Variants in PHF14 observed in about 807,000 individuals in gnomAD.
PHF14 encodes PHD finger protein 14.
PHF14 carries 55 observed loss-of-function variants against 117.9 expected under a neutral mutation model. The observed-to-expected ratio is 0.47, with a 90% CI of 0.38 to 0.58. The LOEUF (loss-of-function observed/expected upper bound fraction) is 0.58. PHF14 is among the 20% of genes least tolerant of loss of function. PHF14 has a pLI of 0.00. For missense variants in PHF14, 978 were observed against 1,122.2 expected, an observed-to-expected ratio of 0.87 and a Z score of 1.84; for synonymous variants, 409 against 368.6, an observed-to-expected ratio of 1.11 and a Z score of -1.26.
chr7:11,069,225 C>T (rs116344227), intron 16 of PHF14, among the ~76,000 whole-genome samples: 1,912 of 152,154 alleles, frequency 0.013, 32 homozygotes, highest in African/African-American at 0.044. Context: ...ACCAGCACCC[C>T]ACACCACACA....
At chr7:11,162,990 C>A (rs1380985675) in intron 17 of PHF14, among the ~76,000 whole-genome samples, 1 of 152,100 alleles carries the variant, frequency 6.6e-6, no homozygotes, top group Non-Finnish European at 1.5e-5. Context: ...TTTATGTATT[C>A]CCATACATGA....
chr7:11,019,581 A>G (rs1180726548), intron 5 of PHF14, among the ~76,000 whole-genome samples: 1 of 152,130 alleles, frequency 6.6e-6, no homozygotes, highest in South Asian at 2.1e-4. Flanking sequence ...AATATCAGTT[A>G]TAATGTCTCC....
At chr7:11,100,810 T>C (rs1219518852) in intron 16 of PHF14, among the ~76,000 whole-genome samples, 1 of 151,958 alleles carries the variant, frequency 6.6e-6, no homozygotes, top group Non-Finnish European at 1.5e-5. Context: ...GTCTTAACCA[T>C]ACAGTTCATG....
chr7:11,166,596 A>T (rs143288831), intron 17 of PHF14, among the ~76,000 whole-genome samples: 1 of 152,298 alleles, frequency 6.6e-6, no homozygotes, highest in Non-Finnish European at 1.5e-5. Context: ...TATTAGATCA[A>T]ATTTTAATGT....
At chr7:11,122,398 C>CATATATATACACGT (rs1787797695) in intron 17 of PHF14, among the ~76,000 whole-genome samples, 1 of 123,532 alleles carries the variant, frequency 8.1e-6, no homozygotes, top group Non-Finnish European at 1.7e-5. Flanking sequence ...CATACACACA[C>CATATATATACACGT]ATATATATAT....
At chr7:11,162,887 A>C (rs2128357511) in intron 17 of PHF14, among the ~76,000 whole-genome samples, 1 of 152,236 alleles carries the variant, frequency 6.6e-6, no homozygotes, top group South Asian at 2.1e-4. Context: ...AGAAGTAAAA[A>C]GTTACAGGAG....
intron 4 of PHF14, among the ~76,000 whole-genome samples, chr7:11,002,426 A>G (rs1782909369): frequency 6.7e-6 from 1 of 148,920 alleles, no homozygotes; most frequent in African/African-American, 2.5e-5. Flanking sequence ...AAAAATTAAG[A>G]CTTTTTATTT....
chr7:11,007,554 G>C (rs1168284150), intron 4 of PHF14, among the ~76,000 whole-genome samples: 2 of 151,994 alleles, frequency 1.3e-5, no homozygotes, highest in African/African-American at 4.8e-5. Context: ...TTTTAAATAT[G>C]GTTGCTTACA....
Position 11,162,569 on chromosome 7 carries a change from C to T in PHF14, c.2773-6847C>T, listed in dbSNP as rs537677475. ...CCTAGTTTGCCACTGTCACTTTTCA[C>T]TCACTGATCTTTGTTGCCTTTAGTG... On this transcript the variant is annotated intron_variant, in intron 17 of 17. Transcript: ENST00000634607. Among the ~76,000 whole-genome samples the T allele has an allele frequency of 1.4e-3, 217 of 152,202 alleles. 1 individual carries two copies. The highest frequency in any genetic ancestry group is 4.8e-3 in the African/African-American group (200 of 41,510).
At chr7:11,047,573 A>G (rs1170728753) in intron 13 of PHF14, among the ~76,000 whole-genome samples, 1 of 150,190 alleles carries the variant, frequency 6.7e-6, no homozygotes, top group African/African-American at 2.4e-5. Context: ...AGGCGGGCGG[A>G]TCACTTGAGG....
intron 17 of PHF14, among the ~76,000 whole-genome samples, chr7:11,152,117 G>A (rs1011451843): frequency 3.3e-5 from 5 of 152,096 alleles, no homozygotes; most frequent in African/African-American, 1.2e-4. Flanking sequence ...GATCAGTACT[G>A]CAAGATAGAC....
chr7:11,168,967 A>G (rs1789289768), intron 17 of PHF14, among the ~76,000 whole-genome samples: 1 of 152,008 alleles, frequency 6.6e-6, no homozygotes. Flanking sequence ...TTTAGACCTC[A>G]CTGATCTTCA....
At chr7:11,097,713 C>T (rs1786931430) in intron 16 of PHF14, among the ~76,000 whole-genome samples, 1 of 152,214 alleles carries the variant, frequency 6.6e-6, no homozygotes. Context: ...CCTTCACATT[C>T]TCAAAGTTCA....
intron 5 of PHF14, among the ~76,000 whole-genome samples, chr7:11,018,449 A>G (rs1231865106): frequency 6.6e-6 from 1 of 151,978 alleles, no homozygotes; most frequent in Non-Finnish European, 1.5e-5. Context: ...AGTTGTTATT[A>G]TAGAAATCTT....
At chr7:11,042,002 C>T (rs1341919256) in intron 12 of PHF14, among the ~76,000 whole-genome samples, 1 of 151,584 alleles carries the variant, frequency 6.6e-6, no homozygotes, top group Non-Finnish European at 1.5e-5. Flanking sequence ...AGTTAAATTG[C>T]CTTTTTGCAT....
intron 17 of PHF14, among the ~76,000 whole-genome samples, chr7:11,129,588 A>T (rs568500499): frequency 6.8e-6 from 1 of 147,970 alleles, no homozygotes; most frequent in East Asian, 2.0e-4. Flanking sequence ...AATTTAAGAG[A>T]CAGTAAACCC....
At chr7:10,978,474 A>C (rs1459514125) in intron 2 of PHF14, among the ~76,000 whole-genome samples, 1 of 152,142 alleles carries the variant, frequency 6.6e-6, no homozygotes, top group Non-Finnish European at 1.5e-5. Flanking sequence ...GTGAGGCAAA[A>C]ATTAAAAGTG....
intron 13 of PHF14, among the ~76,000 whole-genome samples, chr7:11,045,685 T>C (rs906033755): frequency 1.3e-5 from 2 of 152,148 alleles, no homozygotes; most frequent in Non-Finnish European, 2.9e-5. Flanking sequence ...TTAAGACATG[T>C]GACATCAAAG....
chr7:11,089,761 C>CTTTT (rs71023888), intron 16 of PHF14, among the ~76,000 whole-genome samples: 3 of 97,896 alleles, frequency 3.1e-5, no homozygotes, highest in Admixed American at 1.1e-4. Context: ...TTCATGCATT[C>CTTTT]TTTTTTTTTT....
Sources: allele counts gnomAD v4.1 joint callset (sites outside exome capture counted in the v4.1 genomes callset), GRCh38; gene constraint gnomAD v4.1.1; transcripts MANE v1.5; gene names NCBI Gene and HGNC (gene_info 2026-07-23, HGNC 2026-07-21).